RPTOR: variants seen among roughly 807,000 people sequenced by gnomAD.
RPTOR encodes the protein regulatory associated protein of MTOR complex 1.
In RPTOR, 21 loss-of-function variants were observed where a neutral mutation model predicts 169.9. That is an observed-to-expected ratio of 0.12 (90% CI 0.09 to 0.18). RPTOR has a LOEUF of 0.18. Among genes scored for constraint, RPTOR ranks in the 10% least tolerant of loss-of-function variants. The probability of loss-of-function intolerance (pLI) is 1.00; values close to 1 mark genes in which losing one functional copy is unlikely to be tolerated. For missense variants in RPTOR, 1,133 were observed against 1,855.9 expected (o/e 0.61, Z 7.16); for synonymous variants, 732 against 753.2 (o/e 0.97, Z 0.46).
rs958930983 is a variant in RPTOR at position 80,566,977 on chromosome 17, C to CT, written c.162+21197dup. Reference sequence around the variant, plus strand: ...CTCTATTAGCTTATTAGCTGTACCTCTTTTTTTTTTTGAGACAGAGTCTCA... The same window carrying CT: ...CTCTATTAGCTTATTAGCTGTACCTCTTTTTTTTTTTTGAGACAGAGTCTCA... On this transcript the variant is annotated intron_variant, in intron 1 of 33. Transcript: ENST00000306801. Among the ~76,000 whole-genome samples, 413 of 146,712 alleles carry CT rather than the reference C, an allele frequency of 2.8e-3. 1 individual carries two copies. The highest frequency in any genetic ancestry group is 7.0e-3 in the African/African-American group (283 of 40,216).
chr17:80,726,077 C>A lies in RPTOR; in HGVS notation c.508-4483C>A, dbSNP rs2098464997. Among the ~76,000 whole-genome samples the A allele has an allele frequency of 6.6e-6, 1 of 152,136 alleles. No individual in the cohort carries two copies. The highest frequency in any genetic ancestry group is 1.5e-5 in the Non-Finnish European group (1 of 68,026). Reference sequence around the variant, plus strand: ...AAGGAGCGGCCCGGCCCCAAATGGCCCTGGTGCTGAGAGGGACAGACGCCG... The same window carrying A: ...AAGGAGCGGCCCGGCCCCAAATGGCACTGGTGCTGAGAGGGACAGACGCCG... On this transcript the variant is annotated intron_variant, in intron 4 of 33. Coordinates refer to ENST00000306801, the MANE Select transcript of RPTOR (RefSeq NM_020761.3). The surrounding 1 kb of genome is among the most constrained non-coding windows in gnomAD (Gnocchi z 4.5).
chr17:80,669,767 C>T (rs1318283327), intron 3 of RPTOR, among the ~76,000 whole-genome samples: 1 of 152,280 alleles, frequency 6.6e-6, no homozygotes, highest in African/African-American at 2.4e-5. Flanking sequence ...GGACAATCTT[C>T]TGCACCAGGA....
chr17:80,753,374 C>T (rs2066647823), intron 5 of RPTOR, among the ~76,000 whole-genome samples: 1 of 121,682 alleles, frequency 8.2e-6, no homozygotes, highest in African/African-American at 2.7e-5. Flanking sequence ...GTGGCTCACG[C>T]CTGTAATCCC....
intron 6 of RPTOR, among the ~76,000 whole-genome samples, chr17:80,763,096 A>G (rs1204440559): frequency 1.3e-5 from 2 of 152,144 alleles, no homozygotes; most frequent in Non-Finnish European, 2.9e-5. Flanking sequence ...AAATTTAAAA[A>G]TTAGCTGGAC....
At chr17:80,958,386 A>T (rs2069284447) in intron 29 of RPTOR, among the ~76,000 whole-genome samples, 1 of 149,806 alleles carries the variant, frequency 6.7e-6, no homozygotes, top group African/African-American at 2.5e-5. Flanking sequence ...CCGCTACAGA[A>T]GACAGAAGAT....
chr17:80,935,478 G>A (rs9915450), intron 24 of RPTOR, among the ~76,000 whole-genome samples: 28,052 of 152,100 alleles, frequency 0.18, 2,700 homozygotes, highest in Admixed American at 0.22. Context: ...TAATCAAGAT[G>A]GTGTGGGATT....
At chr17:80,597,357 A>C (rs766418892) in intron 1 of RPTOR, among the ~76,000 whole-genome samples, 1 of 152,168 alleles carries the variant, frequency 6.6e-6, no homozygotes, top group African/African-American at 2.4e-5. Flanking sequence ...GAGTGTCTGC[A>C]TGGCTTGGGT....
rs58819166 is a variant in RPTOR, at chr17:80,960,234, G to C, written c.3605+29G>C. ...CCTTGACCCTGTCCTCTCCCTCCCCGAGTGCTGGCAGGGTACCTTCCAGGT... is the reference window on the plus strand; with the variant it reads ...CCTTGACCCTGTCCTCTCCCTCCCCCAGTGCTGGCAGGGTACCTTCCAGGT... On this transcript the variant is annotated intron_variant, in intron 30 of 33. Coordinates refer to ENST00000306801, the MANE Select transcript of RPTOR (RefSeq NM_020761.3). This position sits in a 1 kb window ranked among gnomAD's most constrained non-coding sequence, Gnocchi z 4.8. 0.016 allele frequency: 26,416 copies of C among 1,612,206 alleles called. 2,516 individuals are homozygous for C. In the African/African-American group the frequency reaches 0.24, roughly 15 times the overall value.
At chr17:80,785,891 A>G (rs796796727) in intron 6 of RPTOR, among the ~76,000 whole-genome samples, 1 of 152,270 alleles carries the variant, frequency 6.6e-6, no homozygotes, top group African/African-American at 2.4e-5. Flanking sequence ...GGGACTCTGC[A>G]TGTTGGCGAG....
chr17:80,908,780 C>T, intron 20 of RPTOR, 31 bp from the exon 21 acceptor site: 2 of 1,533,012 alleles, frequency 1.3e-6, no homozygotes, highest in Non-Finnish European at 1.8e-6. Flanking sequence ...AGCTACTTTC[C>T]ACTAAAACAT....
At chr17:80,771,374 A>T (rs1334788401) in intron 6 of RPTOR, among the ~76,000 whole-genome samples, 1 of 152,058 alleles carries the variant, frequency 6.6e-6, no homozygotes, top group Non-Finnish European at 1.5e-5. Flanking sequence ...TAAACCTCTC[A>T]TGCCTGAAAC....
intron 24 of RPTOR, among the ~76,000 whole-genome samples, chr17:80,938,199 GC>G (rs1191452015): frequency 6.6e-6 from 1 of 152,212 alleles, no homozygotes; most frequent in Admixed American, 6.5e-5. Flanking sequence ...TCTGGCATGG[GC>G]CCCCTCTCAA....
At chr17:80,665,370 TTCC>T (rs2065758587) in intron 3 of RPTOR, among the ~76,000 whole-genome samples, 1 of 5,290 alleles carries the variant, frequency 1.9e-4, no homozygotes, top group Non-Finnish European at 2.9e-4. Context: ...TTCCTTTCCT[TTCC>T]TTTCCTTTCC....
intron 16 of RPTOR, 75 bp from the exon 17 acceptor site, chr17:80,884,933 C>G: frequency 6.5e-7 from 1 of 1,532,198 alleles, no homozygotes; most frequent in Non-Finnish European, 8.8e-7. Context: ...CACCTGCACA[C>G]ACAGCCCTGG....
intron 19 of RPTOR, among the ~76,000 whole-genome samples, chr17:80,893,392 CAGGGTGTGTGTGTGTGTGTACA>C (rs1381288379): frequency 4.0e-5 from 4 of 100,666 alleles, no homozygotes; most frequent in Non-Finnish European, 1.9e-5. Context: ...GTGTGCATGC[CAGGGTGTGTGTGTGTGTGTACA>C]AGGGTGTGTG....
At chr17:80,890,690 G>A (rs1027725215) in intron 17 of RPTOR, among the ~76,000 whole-genome samples, 1 of 152,250 alleles carries the variant, frequency 6.6e-6, no homozygotes, top group Admixed American at 6.5e-5. Flanking sequence ...GGGTGCAGGT[G>A]AAGAGCCGGC....
intron 1 of RPTOR, among the ~76,000 whole-genome samples, chr17:80,581,441 A>T (rs1277942827): frequency 6.6e-6 from 1 of 152,096 alleles, no homozygotes; most frequent in Non-Finnish European, 1.5e-5. Context: ...TCTGCAGTGG[A>T]GACTGCACAT....
chr17:80,744,404 TACTAGCACAGCCCTGGC>T (rs1408471730), intron 5 of RPTOR, among the ~76,000 whole-genome samples: 1 of 106,720 alleles, frequency 9.4e-6, no homozygotes, highest in African/African-American at 5.0e-5. Flanking sequence ...CTGTCCTGGC[TACTAGCACAGCCCTGGC>T]TACTAGCACA....
chr17:80,890,856 C>T (rs1278428146), intron 17 of RPTOR, among the ~76,000 whole-genome samples: 1 of 152,106 alleles, frequency 6.6e-6, no homozygotes, highest in Non-Finnish European at 1.5e-5. Context: ...ACGAGAAGAC[C>T]CTGGTCCCTG....
Sources: allele counts gnomAD v4.1 joint callset (sites outside exome capture counted in the v4.1 genomes callset), GRCh38; gene constraint gnomAD v4.1.1; non-coding constraint Gnocchi (gnomAD v3.1); transcripts MANE v1.5; gene names NCBI Gene and HGNC (gene_info 2026-07-23, HGNC 2026-07-21).